ZBTB7C: variants seen among roughly 807,000 people sequenced by gnomAD.
The protein encoded by ZBTB7C is zinc finger and BTB domain-containing protein 7C.
A neutral mutation model predicts 25.7 loss-of-function variants in ZBTB7C; 8 were observed. The ratio of observed to expected loss-of-function variants is 0.31; its 90% CI spans 0.18 to 0.56. ZBTB7C has a LOEUF of 0.56. Ranked by LOEUF, ZBTB7C falls within the 20% of genes least tolerant of loss-of-function variation. The probability of loss-of-function intolerance (pLI) is 0.91; values close to 1 mark genes in which losing one functional copy is unlikely to be tolerated. For synonymous variants in ZBTB7C, 394 were observed against 369.0 expected, an observed-to-expected ratio of 1.07 and a Z score of -0.78; for missense variants, 824 against 855.2, an observed-to-expected ratio of 0.96 and a Z score of 0.46.
intron 1 of ZBTB7C, among the ~76,000 whole-genome samples, chr18:48,382,964 T>C (rs892795688): frequency 6.6e-6 from 1 of 152,234 alleles, no homozygotes; most frequent in Non-Finnish European, 1.5e-5. Context: ...ATTTTGATTG[T>C]TGAGTAACAG....
At chr18:48,366,053 T>G (rs564236168) in intron 1 of ZBTB7C, among the ~76,000 whole-genome samples, 2 of 152,330 alleles carry the variant, frequency 1.3e-5, no homozygotes, top group South Asian at 4.1e-4. Context: ...GAAACTGATA[T>G]CCTTCCACCT....
chr18:48,196,439 G>A (rs1295743854), intron 2 of ZBTB7C, among the ~76,000 whole-genome samples: 1 of 152,202 alleles, frequency 6.6e-6, no homozygotes, highest in Non-Finnish European at 1.5e-5. Context: ...TTACAGAGGT[G>A]AGTTTCTAAT....
chr18:48,061,940 A>T (rs2037142473), intron 3 of ZBTB7C, among the ~76,000 whole-genome samples: 1 of 152,214 alleles, frequency 6.6e-6, no homozygotes, highest in African/African-American at 2.4e-5. Context: ...TCAGTAATAA[A>T]GAATGGCAAA....
chr18:48,040,405 G>T lies in ZBTB7C; in HGVS notation c.703C>A (p.Leu235Met), dbSNP rs756030910. Residue 235 changes from leucine (L) to methionine (M), a missense_variant, in exon 4 of 5, where the codon CTG becomes ATG. By Grantham distance (15) the Leu-to-Met change is conservative. Around this residue, in one of 4 missense-constraint regions of ZBTB7C, gnomAD observed 316 missense variants for 299.2 expected, o/e 1.06. Transcript: ENST00000590800. The stretch of plus-strand genomic sequence containing the variant: ...TCGGGGATGTTGGCCTTGGGGTACA[G>T]GTTCTCCCTTAGCAGAGATTCGATG... ...FSIESLLREN[L>M]YPKANIPDRR... 1 of 1,611,768 alleles carries T rather than the reference G, an allele frequency of 6.2e-7. No homozygotes were observed. The highest frequency in any genetic ancestry group is 1.7e-5 in the Admixed American group (1 of 59,836).
chr18:48,145,097 G>A (rs915456574), intron 3 of ZBTB7C, among the ~76,000 whole-genome samples: 1 of 151,974 alleles, frequency 6.6e-6, no homozygotes, highest in Non-Finnish European at 1.5e-5. Context: ...ATCTTTGTTG[G>A]GGAGAAGTCA....
intron 1 of ZBTB7C, among the ~76,000 whole-genome samples, chr18:48,359,972 T>C (rs2047065554): frequency 6.6e-6 from 1 of 152,192 alleles, no homozygotes; most frequent in Non-Finnish European, 1.5e-5. Flanking sequence ...TTCTGGTTGC[T>C]TCCATAGGCC....
intron 2 of ZBTB7C, among the ~76,000 whole-genome samples, chr18:48,298,819 T>A (rs2144729528): frequency 6.6e-6 from 1 of 152,284 alleles, no homozygotes; most frequent in East Asian, 1.9e-4. Context: ...TGCAGATCCA[T>A]CCTGGAGCAC....
chr18:48,345,852 C>A (rs781738585), intron 1 of ZBTB7C, among the ~76,000 whole-genome samples: 1 of 152,172 alleles, frequency 6.6e-6, no homozygotes, highest in African/African-American at 2.4e-5. Context: ...GGAACTTGGG[C>A]AAATCATTTC....
chr18:48,095,370 G>T (rs2038579357), intron 3 of ZBTB7C, among the ~76,000 whole-genome samples: 1 of 152,164 alleles, frequency 6.6e-6, no homozygotes, highest in African/African-American at 2.4e-5. Flanking sequence ...TATTTGAGAG[G>T]AGAGCCCTGG....
chr18:48,164,564 C>G (rs959862915), intron 3 of ZBTB7C, among the ~76,000 whole-genome samples: 14 of 152,200 alleles, frequency 9.2e-5, no homozygotes, highest in Non-Finnish European at 1.6e-4. Flanking sequence ...CGTGATCCTC[C>G]TTCTTTAACC....
chr18:48,121,413 T>TAAA (rs567847083), intron 3 of ZBTB7C, among the ~76,000 whole-genome samples: 2 of 127,604 alleles, frequency 1.6e-5, no homozygotes, highest in African/African-American at 5.3e-5. Flanking sequence ...TTTTTTTTTT[T>TAAA]AAAAAAATGC....
At chr18:48,404,254 C>CAAAA (rs34941038) in intron 1 of ZBTB7C, among the ~76,000 whole-genome samples, 1 of 147,402 alleles carries the variant, frequency 6.8e-6, no homozygotes, top group Admixed American at 6.7e-5. Flanking sequence ...GACTCCATCT[C>CAAAA]AAAAAAAAAA....
chr18:48,069,053 T>C (rs1326985703), intron 3 of ZBTB7C, among the ~76,000 whole-genome samples: 1 of 152,196 alleles, frequency 6.6e-6, no homozygotes, highest in Non-Finnish European at 1.5e-5. Flanking sequence ...GTAGGCCGCC[T>C]CTGCTCCTGG....
intron 3 of ZBTB7C, among the ~76,000 whole-genome samples, chr18:48,059,029 C>T (rs1162779851): frequency 6.6e-6 from 1 of 152,190 alleles, no homozygotes; most frequent in Admixed American, 6.5e-5. Context: ...AGCTAAGCTG[C>T]TCCTGGATTC....
chr18:48,285,567 G>A (rs546369990), intron 2 of ZBTB7C, among the ~76,000 whole-genome samples: 1 of 152,192 alleles, frequency 6.6e-6, no homozygotes, highest in East Asian at 1.9e-4. Flanking sequence ...GATCAGGCTA[G>A]TCTTGAGCTC....
chr18:48,127,038 A>G (rs1355934752), intron 3 of ZBTB7C, among the ~76,000 whole-genome samples: 1 of 152,164 alleles, frequency 6.6e-6, no homozygotes, highest in African/African-American at 2.4e-5. Context: ...TAAATGGTGA[A>G]GGCCACCACT....
intron 3 of ZBTB7C, among the ~76,000 whole-genome samples, chr18:48,153,835 C>T (rs761740891): frequency 4.6e-5 from 7 of 152,208 alleles, no homozygotes; most frequent in Non-Finnish European, 1.0e-4. Flanking sequence ...TATGGGAATA[C>T]ACACACTCTG....
chr18:48,145,805 C>A (rs1325371219), intron 3 of ZBTB7C, among the ~76,000 whole-genome samples: 1 of 152,182 alleles, frequency 6.6e-6, no homozygotes, highest in Non-Finnish European at 1.5e-5. Flanking sequence ...CTCTGGATAG[C>A]ATTACAAAAT....
intron 2 of ZBTB7C, among the ~76,000 whole-genome samples, chr18:48,267,286 A>G (rs1423196755): frequency 6.6e-6 from 1 of 152,200 alleles, no homozygotes; most frequent in African/African-American, 2.4e-5. Context: ...CCTGGCAACA[A>G]TTCATCCAGC....
Sources: gnomAD v4.1 joint callset for allele counts (sites outside exome capture counted in the v4.1 genomes callset) on GRCh38, gnomAD v4.1.1 for gene constraint, gnomAD v4.1.1 regional missense constraint, MANE v1.5 for transcripts, NCBI Gene and HGNC (gene_info 2026-07-23, HGNC 2026-07-21) for gene names.